CAMTA1: variants seen among roughly 807,000 people sequenced by gnomAD.
CAMTA1 encodes calmodulin binding transcription activator 1, also known as calmodulin-binding transcription activator 1.
A neutral mutation model predicts 170.9 loss-of-function variants in CAMTA1; 27 were observed. The observed-to-expected ratio is 0.16, with a 90% CI of 0.12 to 0.22. The LOEUF (loss-of-function observed/expected upper bound fraction) is 0.22, where lower values mean the gene tolerates loss of function less well. Ranked by LOEUF, CAMTA1 falls within the 10% of genes least tolerant of loss-of-function variation. CAMTA1 has a pLI of 1.00. For synonymous variants in CAMTA1, 833 were observed against 891.5 expected (o/e 0.93, Z 1.17); for missense variants, 1,619 against 2,217.2 (o/e 0.73, Z 5.42).
At chr1:7,560,803 G>T (rs1007145637) in intron 6 of CAMTA1, among the ~76,000 whole-genome samples, 1 of 152,086 alleles carries the variant, frequency 6.6e-6, no homozygotes, top group African/African-American at 2.4e-5. Flanking sequence ...GGGACTCGGG[G>T]CAGGCACTCA....
At chr1:6,941,117 C>T (rs1231327755) in intron 3 of CAMTA1, among the ~76,000 whole-genome samples, 3 of 152,190 alleles carry the variant, frequency 2.0e-5, no homozygotes, top group Non-Finnish European at 4.4e-5. Context: ...AACTGAGGTT[C>T]GCCGACTTCC....
At chr1:6,994,222 G>A (rs1474506848) in intron 3 of CAMTA1, among the ~76,000 whole-genome samples, 1 of 152,092 alleles carries the variant, frequency 6.6e-6, no homozygotes, top group Non-Finnish European at 1.5e-5. Flanking sequence ...TTTTATGACA[G>A]TAGGAGAAGA....
At chr1:6,790,584 AT>A (rs996925067) in intron 1 of CAMTA1, among the ~76,000 whole-genome samples, 1 of 152,124 alleles carries the variant, frequency 6.6e-6, no homozygotes, top group African/African-American at 2.4e-5. Flanking sequence ...GTAGAAAAAT[AT>A]TTTTTTCTTC....
chr1:6,978,410 G>A, intron 3 of CAMTA1, among the ~76,000 whole-genome samples: 1 of 152,070 alleles, frequency 6.6e-6, no homozygotes. Context: ...GAGGTGGGTG[G>A]ATCACCCGAG....
At chr1:7,389,274 C>G (rs889643873) in intron 5 of CAMTA1, 2 of 150,138 alleles carry the variant, frequency 1.3e-5, no homozygotes, top group East Asian at 4.0e-4. Context: ...TCGGCAGGAG[C>G]CTCTTTCCCC....
chr1:7,053,706 C>G (rs994528444), intron 3 of CAMTA1, among the ~76,000 whole-genome samples: 2 of 152,186 alleles, frequency 1.3e-5, no homozygotes, highest in African/African-American at 4.8e-5. Flanking sequence ...CTGGTCTTGC[C>G]TGCAATGCCC....
At chr1:7,214,026 G>T (rs1244925815) in intron 4 of CAMTA1, among the ~76,000 whole-genome samples, 1 of 152,144 alleles carries the variant, frequency 6.6e-6, no homozygotes, top group Non-Finnish European at 1.5e-5. Context: ...CATTTGGGTT[G>T]GTTCCAAGTC....
intron 4 of CAMTA1, among the ~76,000 whole-genome samples, chr1:7,197,798 A>G (rs1655846816): frequency 6.6e-6 from 1 of 152,006 alleles, no homozygotes; most frequent in Non-Finnish European, 1.5e-5. Flanking sequence ...ACCCTAGGTC[A>G]TTTAGCTGGA....
At chr1:7,583,924 G>T (rs953354700) in intron 6 of CAMTA1, among the ~76,000 whole-genome samples, 25 of 152,272 alleles carry the variant, frequency 1.6e-4, no homozygotes, top group African/African-American at 6.0e-4. Context: ...TCTGGGCTCT[G>T]GGAAGCTCCC....
At chr1:7,425,462 C>T in intron 5 of CAMTA1, among the ~76,000 whole-genome samples, 1 of 152,144 alleles carries the variant, frequency 6.6e-6, no homozygotes, top group East Asian at 1.9e-4. Flanking sequence ...GAAGGACAGT[C>T]CTCTAGGAGT....
At chr1:6,905,242 A>G (rs1678166220) in intron 3 of CAMTA1, among the ~76,000 whole-genome samples, 2 of 130,080 alleles carry the variant, frequency 1.5e-5, no homozygotes, top group African/African-American at 6.1e-5. Context: ...TGCCCAGGCT[A>G]GAGTGCAGTG....
At chr1:7,006,264 G>T (rs574885396) in intron 3 of CAMTA1, among the ~76,000 whole-genome samples, 6 of 152,302 alleles carry the variant, frequency 3.9e-5, no homozygotes, top group African/African-American at 1.4e-4. Flanking sequence ...GGTAGGCAGA[G>T]AGATTTTTAA....
At chr1:6,994,919 T>C (rs4400633) in intron 3 of CAMTA1, among the ~76,000 whole-genome samples, 80,862 of 151,980 alleles carry the variant, frequency 0.53, 21,835 homozygotes, top group African/African-American at 0.62. Flanking sequence ...CCTCCCGCCT[T>C]GGCCTCTCAA....
At chr1:7,551,242 G>C (rs943773090) in intron 6 of CAMTA1, among the ~76,000 whole-genome samples, 4 of 152,166 alleles carry the variant, frequency 2.6e-5, no homozygotes, top group African/African-American at 9.7e-5. Flanking sequence ...CCTGTGCCCA[G>C]CTGGGCTCCG....
At chr1:7,520,616 A>G (rs1167675872) in intron 6 of CAMTA1, among the ~76,000 whole-genome samples, 2 of 151,870 alleles carry the variant, frequency 1.3e-5, no homozygotes, top group African/African-American at 4.8e-5. Flanking sequence ...TGGCTGCCCC[A>G]GAGGGGAGCA....
At chr1:7,540,470 T>C (rs2094597247) in intron 6 of CAMTA1, among the ~76,000 whole-genome samples, 1 of 152,104 alleles carries the variant, frequency 6.6e-6, no homozygotes, top group Admixed American at 6.6e-5. Context: ...CTGGGGAGAA[T>C]AGAAGCTGGA....
chr1:7,507,156 TCACA>T (rs1158313511), intron 6 of CAMTA1, among the ~76,000 whole-genome samples: 1 of 149,738 alleles, frequency 6.7e-6, no homozygotes, highest in Admixed American at 6.6e-5. Context: ...ACTCCCACAC[TCACA>T]CAACACACAC....
At chr1:6,861,113 G>T (rs920171639) in intron 3 of CAMTA1, among the ~76,000 whole-genome samples, 2 of 151,778 alleles carry the variant, frequency 1.3e-5, no homozygotes, top group Non-Finnish European at 2.9e-5. Flanking sequence ...ATGCCACCAC[G>T]CCCGGCTAAT....
chr1:7,074,554 T>C (rs1287633452), intron 3 of CAMTA1, among the ~76,000 whole-genome samples: 3 of 152,230 alleles, frequency 2.0e-5, no homozygotes, highest in African/African-American at 7.2e-5. Context: ...TACTGTTATA[T>C]AGTGTTGTAT....
Sources: gnomAD v4.1 joint callset for allele counts (sites outside exome capture counted in the v4.1 genomes callset) on GRCh38, gnomAD v4.1.1 for gene constraint, MANE v1.5 for transcripts, NCBI Gene and HGNC (gene_info 2026-07-23, HGNC 2026-07-21) for gene names.